The following SLC6A6 variants were observed in gnomAD, a reference collection of about 807,000 sequenced individuals.
SLC6A6 encodes the protein sodium- and chloride-dependent taurine transporter.
Under a neutral mutation model 68.8 loss-of-function variants are expected in SLC6A6, and 16 were observed. That is an observed-to-expected ratio of 0.23 (90% CI 0.16 to 0.35). The LOEUF (loss-of-function observed/expected upper bound fraction) is 0.35. Ranked by LOEUF, SLC6A6 falls within the 10% of genes least tolerant of loss-of-function variation. The pLI, the probability that SLC6A6 is intolerant of heterozygous loss-of-function variation, is 1.00. For synonymous variants in SLC6A6, 312 were observed against 315.4 expected (o/e 0.99, Z 0.12); for missense variants, 474 against 802.8 (o/e 0.59, Z 4.95).
chr3:14,465,131 G>T (rs868694562), intron 6 of SLC6A6, among the ~76,000 whole-genome samples: 1 of 152,176 alleles, frequency 6.6e-6, no homozygotes, highest in African/African-American at 2.4e-5. Context: ...GGATCGAACT[G>T]TCCATTCAGC....
chr3:14,481,656 C>G lies in SLC6A6; in HGVS notation c.1552-15C>G. On this transcript the variant is annotated splice_polypyrimidine_tract_variant and intron_variant, in intron 13 of 14. Coordinates refer to ENST00000622186, the MANE Select transcript of SLC6A6 (RefSeq NM_003043.6). This position sits in a 1 kb window ranked among gnomAD's most constrained non-coding sequence, Gnocchi z 4.7. ...GCCCAGGACCCCTCTCCTGACTGCC[C>G]CCATCTCTCCGCAGGGATGTTTCAT... The G allele has an allele frequency of 6.3e-7, 1 of 1,597,348 alleles. No homozygotes were observed. The highest frequency in any genetic ancestry group is 8.6e-7 in the Non-Finnish European group (1 of 1,169,052).
intron 1 of SLC6A6, among the ~76,000 whole-genome samples, chr3:14,404,996 AGATGGACAAACT>A (rs1699073307): frequency 6.6e-6 from 1 of 152,198 alleles, no homozygotes; most frequent in Non-Finnish European, 1.5e-5. Context: ...CCCATTTTAT[AGATGGACAAACT>A]GAGAGCCACC....
chr3:14,406,532 A>T lies in SLC6A6; in HGVS notation c.-54+3685A>T, dbSNP rs1051570593. On this transcript the variant is annotated intron_variant, in intron 1 of 14. Transcript: ENST00000622186. Reference sequence around the variant, plus strand: ...CTTGCCCTGAACTCTTTCTGTAAACATGGGGGTGAAGGCCTGGACATGCTA... The same window carrying T: ...CTTGCCCTGAACTCTTTCTGTAAACTTGGGGGTGAAGGCCTGGACATGCTA... 2.0e-5 allele frequency among the ~76,000 whole-genome samples: 3 copies of T among 152,270 alleles called. No individual in the cohort carries two copies. In the South Asian group the frequency reaches 6.2e-4, roughly 32 times the overall value.
chr3:14,473,302 A>T (rs969976972), intron 10 of SLC6A6, among the ~76,000 whole-genome samples: 1 of 152,200 alleles, frequency 6.6e-6, no homozygotes, highest in Admixed American at 6.5e-5. Context: ...TGCCCAGCCC[A>T]GCATGAGCCC....
rs535187973 is a variant in SLC6A6 at position 14,460,885 on chromosome 3, C to T, written c.732+2803C>T. Among the ~76,000 whole-genome samples the T allele has an allele frequency of 2.0e-5, 3 of 152,360 alleles. No homozygotes were observed. In the East Asian group the frequency reaches 5.8e-4, roughly 29 times the overall value. The stretch of plus-strand genomic sequence containing the variant: ...GCTGAGAGGCTGCCTGCTCGCTGGC[C>T]ATGGCTTCCAGCCCTGGCCACAGAC... On this transcript the variant is annotated intron_variant, in intron 6 of 14. Coordinates refer to ENST00000622186, the MANE Select transcript of SLC6A6 (RefSeq NM_003043.6).
At chr3:14,435,142 G>C (rs923128774) in intron 2 of SLC6A6, among the ~76,000 whole-genome samples, 1 of 152,298 alleles carries the variant, frequency 6.6e-6, no homozygotes, top group South Asian at 2.1e-4. Flanking sequence ...CCTTGCCCCA[G>C]GGTGGCACCA....
At position 14,468,342 on chromosome 3, in the gene SLC6A6, C is replaced by CG; in HGVS notation, c.1096+130_1096+131insG. 1.4e-6 allele frequency: 1 copy of CG among 735,538 alleles called. No homozygotes were observed. Among genetic ancestry groups the CG allele is most frequent in the Non-Finnish European group, 2.1e-6 (1 of 477,822 alleles). The allele number at this position is 735,538 out of a possible 1,614,324, so 45.6% of individuals were successfully genotyped here. ...GCCTGGTTTCTAAAATGGACCCCCCCCCCGCCACCAAGATATCCCCCAAAT... is the reference window on the plus strand; with the variant it reads ...GCCTGGTTTCTAAAATGGACCCCCCCGCCCGCCACCAAGATATCCCCCAAAT... On this transcript the variant is annotated intron_variant, in intron 9 of 14. Coordinates refer to ENST00000622186, the MANE Select transcript of SLC6A6 (RefSeq NM_003043.6). The surrounding 1 kb of genome is among the most constrained non-coding windows in gnomAD (Gnocchi z 4.5).
chr3:14,408,094 A>G (rs1252363284), intron 1 of SLC6A6, among the ~76,000 whole-genome samples: 1 of 152,086 alleles, frequency 6.6e-6, no homozygotes, highest in Non-Finnish European at 1.5e-5. Flanking sequence ...ATTTCTGTAC[A>G]AGTGTTTTTG....
chr3:14,471,914 C>G (rs1360273233), intron 9 of SLC6A6, among the ~76,000 whole-genome samples: 1 of 152,178 alleles, frequency 6.6e-6, no homozygotes, highest in Admixed American at 6.5e-5. Flanking sequence ...AGACCAAGCC[C>G]TGGGCTCAGT....
chr3:14,485,050 C>A lies in SLC6A6; in HGVS notation c.*43C>A. Reference sequence around the variant, plus strand: ...GGGCCGGCGGCTTTCCTGCTGTTTACTAACATTAGATTCTCATAGGACCAG... The same window carrying A: ...GGGCCGGCGGCTTTCCTGCTGTTTAATAACATTAGATTCTCATAGGACCAG... On this transcript the variant is annotated 3_prime_UTR_variant, in exon 15 of 15. Transcript: ENST00000622186. 6.5e-7 allele frequency: 1 copy of A among 1,548,728 alleles called. No individual in the cohort carries two copies. The highest frequency in any genetic ancestry group is 8.8e-7 in the Non-Finnish European group (1 of 1,134,180).
intron 5 of SLC6A6, among the ~76,000 whole-genome samples, chr3:14,452,066 C>T (rs1464317320): frequency 6.6e-6 from 1 of 152,160 alleles, no homozygotes; most frequent in Non-Finnish European, 1.5e-5. Context: ...TACGAGGCAC[C>T]AGGGGAGCGG....
chr3:14,484,574 A>T (rs1701092937), intron 14 of SLC6A6, among the ~76,000 whole-genome samples: 1 of 152,232 alleles, frequency 6.6e-6, no homozygotes, highest in Non-Finnish European at 1.5e-5. Context: ...GAAGAAAAAA[A>T]GCACATGAAG....
In SLC6A6 at chr3:14,468,225, C is replaced by T. The variant is rs373728311; in HGVS notation, c.1096+13C>T. 109 of 1,610,006 alleles carry T rather than the reference C, an allele frequency of 6.8e-5. No individual in the cohort carries two copies. The highest frequency in any genetic ancestry group is 1.7e-4 in the Middle Eastern group (1 of 5,844). ...GTGGCTGAGTCAGGTACGGTGGTAT[C>T]GGTGGCAGTGGTGGTGGGCACTGCC... On this transcript the variant is annotated intron_variant, in intron 9 of 14. Transcript: ENST00000622186. The surrounding 1 kb of genome is among the most constrained non-coding windows in gnomAD (Gnocchi z 4.5).
At position 14,481,663 on chromosome 3, in the gene SLC6A6, C is replaced by A; in HGVS notation, c.1552-8C>A. ...ACCCCTCTCCTGACTGCCCCCATCT[C>A]TCCGCAGGGATGTTTCATCTTCTCG... On this transcript the variant is annotated splice_polypyrimidine_tract_variant and splice_region_variant and intron_variant, in intron 13 of 14. Coordinates refer to ENST00000622186, the MANE Select transcript of SLC6A6 (RefSeq NM_003043.6). The surrounding 1 kb of genome is among the most constrained non-coding windows in gnomAD (Gnocchi z 4.7). The A allele has an allele frequency of 6.2e-7, 1 of 1,603,228 alleles. No homozygotes were observed. Among genetic ancestry groups the A allele is most frequent in the Non-Finnish European group, 8.5e-7 (1 of 1,173,088 alleles).
chr3:14,473,706 A>C (rs894754214), intron 10 of SLC6A6, among the ~76,000 whole-genome samples: 7 of 152,220 alleles, frequency 4.6e-5, no homozygotes, highest in Non-Finnish European at 7.3e-5. Context: ...GCAGTTGTTG[A>C]TAGACTTGAG....
chr3:14,425,795 G>A (rs1405949301), intron 2 of SLC6A6, among the ~76,000 whole-genome samples: 1 of 152,130 alleles, frequency 6.6e-6, no homozygotes, highest in Non-Finnish European at 1.5e-5. Context: ...CCCCTCATCA[G>A]TTTCATTGAG....
At chr3:14,423,519 T>C (rs574596148) in intron 2 of SLC6A6, among the ~76,000 whole-genome samples, 1 of 152,248 alleles carries the variant, frequency 6.6e-6, no homozygotes, top group African/African-American at 2.4e-5. Context: ...TCCACTTTCC[T>C]CATAATAAGC....
At chr3:14,417,350 C>T (rs185853396) in intron 2 of SLC6A6, among the ~76,000 whole-genome samples, 5 of 152,284 alleles carry the variant, frequency 3.3e-5, no homozygotes, top group East Asian at 1.9e-4. Context: ...AAAACAGTCA[C>T]GTGAACATTC....
chr3:14,454,890 C>T (rs1049137871), intron 5 of SLC6A6, among the ~76,000 whole-genome samples: 70 of 152,152 alleles, frequency 4.6e-4, no homozygotes, highest in Non-Finnish European at 1.8e-4. Context: ...ATGTCTCATG[C>T]ACTGTTCTTC....
Sources: allele counts gnomAD v4.1 joint callset (sites outside exome capture counted in the v4.1 genomes callset), GRCh38; gene constraint gnomAD v4.1.1; non-coding constraint Gnocchi (gnomAD v3.1); transcripts MANE v1.5; gene names NCBI Gene and HGNC (gene_info 2026-07-23, HGNC 2026-07-21).